RGS7: variants seen among roughly 807,000 people sequenced by gnomAD.
RGS7 encodes regulator of G protein signaling 7.
In RGS7, 27 loss-of-function variants were observed where a neutral mutation model predicts 81.1. The ratio of observed to expected loss-of-function variants is 0.33; its 90% CI spans 0.25 to 0.46. RGS7 has a LOEUF of 0.46. Ranked by LOEUF, RGS7 falls within the 20% of genes least tolerant of loss-of-function variation. The probability of loss-of-function intolerance (pLI) is 1.00; values close to 1 mark genes in which losing one functional copy is unlikely to be tolerated. For missense variants in RGS7, 396 were observed against 607.4 expected, an observed-to-expected ratio of 0.65 and a Z score of 3.66; for synonymous variants, 208 against 207.7, an observed-to-expected ratio of 1.00 and a Z score of -0.01.
chr1:240,995,412 T>G (rs1198935303), intron 3 of RGS7, among the ~76,000 whole-genome samples: 6 of 152,146 alleles, frequency 3.9e-5, no homozygotes, highest in Non-Finnish European at 8.8e-5. Context: ...TATAATTGAA[T>G]TTTTTTAAAG....
chr1:240,961,054 A>C (rs1480444811), intron 4 of RGS7, among the ~76,000 whole-genome samples: 1 of 152,228 alleles, frequency 6.6e-6, no homozygotes, highest in Non-Finnish European at 1.5e-5. Flanking sequence ...ATTTTTATTC[A>C]GATAATGAAT....
At chr1:240,947,568 T>C (rs975526324) in intron 4 of RGS7, among the ~76,000 whole-genome samples, 1 of 152,150 alleles carries the variant, frequency 6.6e-6, no homozygotes, top group African/African-American at 2.4e-5. Context: ...GATGATCCTG[T>C]TTTGCTGTAT....
At chr1:240,985,002 A>G (rs1337320914) in intron 3 of RGS7, among the ~76,000 whole-genome samples, 1 of 152,240 alleles carries the variant, frequency 6.6e-6, no homozygotes, top group Non-Finnish European at 1.5e-5. Flanking sequence ...AGACTCATCC[A>G]GATCCTAAAG....
intron 2 of RGS7, among the ~76,000 whole-genome samples, chr1:241,120,781 C>G (rs900730279): frequency 6.6e-6 from 1 of 151,966 alleles, no homozygotes; most frequent in Non-Finnish European, 1.5e-5. Flanking sequence ...GGGAAACTAG[C>G]TGACAAGTAA....
At chr1:240,848,380 T>G (rs762908617) in intron 9 of RGS7, among the ~76,000 whole-genome samples, 49 of 152,176 alleles carry the variant, frequency 3.2e-4, no homozygotes, top group Non-Finnish European at 5.4e-4. Flanking sequence ...TAAACAGTCC[T>G]TGGTTTTACT....
At chr1:240,995,779 A>G (rs371290483) in intron 3 of RGS7, among the ~76,000 whole-genome samples, 1 of 142,658 alleles carries the variant, frequency 7.0e-6, no homozygotes, top group South Asian at 2.2e-4. Flanking sequence ...TCTTTGTTTC[A>G]TTGGTTTTTA....
At position 241,337,263 on chromosome 1, in the gene RGS7, T is replaced by C. The variant is rs181419417; in HGVS notation, c.78+18436A>G. On this transcript the variant is annotated intron_variant, in intron 2 of 18. Transcript: ENST00000440928. ...GTTCATGCCTCTTGTCCTTGTATCA[T>C]CCTTAGTTCAAACATACTCATTTTG... 3.1e-4 allele frequency among the ~76,000 whole-genome samples: 47 copies of C among 152,270 alleles called. 1 individual carries two copies. The East Asian group carries it at 4.4e-3, about 14-fold the overall frequency.
intron 18 of RGS7, among the ~76,000 whole-genome samples, chr1:240,786,641 T>C (rs1011265810): frequency 6.6e-6 from 1 of 152,204 alleles, no homozygotes; most frequent in African/African-American, 2.4e-5. Flanking sequence ...CACATGTATG[T>C]GTCGATCAAA....
At chr1:240,812,437 CTTTT>C (rs71172652) in intron 13 of RGS7, among the ~76,000 whole-genome samples, 1 of 137,648 alleles carries the variant, frequency 7.3e-6, no homozygotes. Context: ...TTTCTTTTTT[CTTTT>C]TTTTTTTTTT....
At chr1:241,091,441 G>A (rs890455052) in intron 3 of RGS7, among the ~76,000 whole-genome samples, 4 of 151,724 alleles carry the variant, frequency 2.6e-5, no homozygotes, top group Non-Finnish European at 5.9e-5. Context: ...CCAGCTACTC[G>A]GGAGGCTGAG....
rs200599343 is a variant in RGS7 at position 241,232,379 on chromosome 1, T to TA, written c.78+123319_78+123320insT. On this transcript the variant is annotated intron_variant, in intron 2 of 18. Coordinates refer to ENST00000440928, the MANE Select transcript of RGS7 (RefSeq NM_001364886.1). ...TTCAGCTAATTTTTAAATACATATA[T>TA]TTTTTTTTGGAGAGAAGGGATCTCA... 2.1e-3 allele frequency among the ~76,000 whole-genome samples: 323 copies of TA among 150,542 alleles called. 2 individuals carry two copies. The highest frequency in any genetic ancestry group is 5.9e-3 in the African/African-American group (243 of 40,858).
At chr1:240,895,264 TTTTC>T (rs145285821) in intron 6 of RGS7, among the ~76,000 whole-genome samples, 3,179 of 151,562 alleles carry the variant, frequency 0.021, 93 homozygotes, top group African/African-American at 0.068. Context: ...TTTTCTTTCT[TTTTC>T]TTTCTTTCTT....
chr1:240,814,102 G>A (rs926068710), intron 12 of RGS7, among the ~76,000 whole-genome samples: 1 of 152,174 alleles, frequency 6.6e-6, no homozygotes, highest in African/African-American at 2.4e-5. Flanking sequence ...GGGCTTAAAA[G>A]GGAAATTTTG....
intron 3 of RGS7, among the ~76,000 whole-genome samples, chr1:241,073,735 TA>T (rs2062621654): frequency 6.6e-6 from 1 of 152,178 alleles, no homozygotes; most frequent in African/African-American, 2.4e-5. Flanking sequence ...GTCATACAGT[TA>T]ATAAGTTAAC....
intron 6 of RGS7, among the ~76,000 whole-genome samples, chr1:240,907,200 G>C (rs1273889970): frequency 6.6e-6 from 1 of 152,120 alleles, no homozygotes; most frequent in Admixed American, 6.5e-5. Context: ...GCAATGGAGA[G>C]TTTTAGTGTA....
intron 3 of RGS7, among the ~76,000 whole-genome samples, chr1:241,014,074 A>T (rs1414235243): frequency 6.6e-6 from 1 of 152,220 alleles, no homozygotes; most frequent in African/African-American, 2.4e-5. Flanking sequence ...ATTCCTGATA[A>T]AAGACTTTAA....
intron 9 of RGS7, among the ~76,000 whole-genome samples, chr1:240,838,358 C>T (rs750182161): frequency 1.6e-4 from 24 of 152,148 alleles, no homozygotes; most frequent in Non-Finnish European, 2.8e-4. Context: ...ATACCACCAC[C>T]TTGGAGGTTA....
chr1:240,790,080 G>A (rs1169454794), intron 18 of RGS7, among the ~76,000 whole-genome samples: 1 of 151,996 alleles, frequency 6.6e-6, no homozygotes, highest in African/African-American at 2.4e-5. Flanking sequence ...GAAATATCGG[G>A]GGTGAATTTC....
At chr1:240,972,917 T>A (rs1229782235) in intron 4 of RGS7, among the ~76,000 whole-genome samples, 2 of 150,282 alleles carry the variant, frequency 1.3e-5, no homozygotes, top group Non-Finnish European at 3.0e-5. Flanking sequence ...AGTGTGGTGA[T>A]ACATGCCTGT....
Sources: gnomAD v4.1 joint callset for allele counts (sites outside exome capture counted in the v4.1 genomes callset) on GRCh38, gnomAD v4.1.1 for gene constraint, MANE v1.5 for transcripts, NCBI Gene and HGNC (gene_info 2026-07-23, HGNC 2026-07-21) for gene names.